RFX6: variants seen among roughly 807,000 people sequenced by gnomAD.
RFX6 encodes the protein DNA-binding protein RFX6.
In RFX6, 50 loss-of-function variants were observed where a neutral mutation model predicts 110.8. That is an observed-to-expected ratio of 0.45 (90% confidence interval 0.36 to 0.57). RFX6 has a LOEUF of 0.57. RFX6 is among the 20% of genes least tolerant of loss of function. RFX6 has a pLI of 0.00. For synonymous variants in RFX6, 383 were observed against 411.2 expected (o/e 0.93, Z 0.83); for missense variants, 990 against 1,127.0 (o/e 0.88, Z 1.74).
At chr6:116,894,767 A>G (rs903592001) in intron 5 of RFX6, among the ~76,000 whole-genome samples, 2 of 152,104 alleles carry the variant, frequency 1.3e-5, no homozygotes, top group Non-Finnish European at 2.9e-5. Context: ...TTAAAAGAAG[A>G]AATTATTTTT....
At chr6:116,892,214 T>C (rs1326162501) in intron 4 of RFX6, among the ~76,000 whole-genome samples, 2 of 152,240 alleles carry the variant, frequency 1.3e-5, no homozygotes, top group Admixed American at 6.5e-5. Context: ...CTTGAATCAG[T>C]AGAGGCAAGT....
At chr6:116,928,329 G>A (rs1775798594) in intron 17 of RFX6, among the ~76,000 whole-genome samples, 1 of 152,154 alleles carries the variant, frequency 6.6e-6, no homozygotes, top group Non-Finnish European at 1.5e-5. Flanking sequence ...TTTCTCCTAA[G>A]TGTAGGCCAG....
At chr6:116,893,217 A>G (rs1212256051) in intron 4 of RFX6, among the ~76,000 whole-genome samples, 1 of 152,178 alleles carries the variant, frequency 6.6e-6, no homozygotes, top group Non-Finnish European at 1.5e-5. Flanking sequence ...GACTCTGACT[A>G]TCCTCACTAA....
intron 17 of RFX6, among the ~76,000 whole-genome samples, chr6:116,928,071 C>T (rs972650480): frequency 2.9e-4 from 29 of 101,736 alleles, no homozygotes; most frequent in African/African-American, 9.8e-4. Context: ...TCCTAAATAC[C>T]GCATATGTTA....
intron 6 of RFX6, among the ~76,000 whole-genome samples, chr6:116,910,034 C>T (rs1331425451): frequency 1.3e-5 from 2 of 151,878 alleles, no homozygotes; most frequent in East Asian, 3.9e-4. Flanking sequence ...CAGAGATAAA[C>T]AAAGAAGTGC....
At chr6:116,878,416 G>A (rs1273942151) in intron 2 of RFX6, among the ~76,000 whole-genome samples, 1 of 152,122 alleles carries the variant, frequency 6.6e-6, no homozygotes, top group Non-Finnish European at 1.5e-5. Flanking sequence ...AACTGTGTTT[G>A]AGGTAGAAGA....
rs757354989 is a variant in RFX6 at position 116,911,059 on chromosome 6, C to T, written c.780+17C>T. Reference sequence around the variant, plus strand: ...AAGGACAAGGTATCAATTACAGATACTTCTCTATTGATTTTCTGATATGTT... The same window carrying T: ...AAGGACAAGGTATCAATTACAGATATTTCTCTATTGATTTTCTGATATGTT... On this transcript the variant is annotated intron_variant, in intron 7 of 18. Coordinates refer to ENST00000332958, the MANE Select transcript of RFX6 (RefSeq NM_173560.4). The T allele has an allele frequency of 3.4e-6, 5 of 1,489,278 alleles. No homozygotes were observed. Among genetic ancestry groups the T allele is most frequent in the South Asian group, 1.1e-5 (1 of 88,596 alleles). The allele number at this position is 1,489,278 out of a possible 1,614,324, so 92.3% of individuals were successfully genotyped here.
Position 116,931,709 on chromosome 6 carries a change from G to A in RFX6, c.*203G>A, listed in dbSNP as rs1582542611. The A allele has an allele frequency of 2.0e-6, 1 of 505,416 alleles. No individual in the cohort carries two copies. The highest frequency in any genetic ancestry group is 3.5e-6 in the Non-Finnish European group (1 of 286,614). 31.3% of individuals were successfully genotyped at this position (505,416 alleles called of 1,614,324 possible). A position where few individuals can be genotyped will look rare whatever the true frequency, so the allele number is the denominator to read the frequency against. On this transcript the variant is annotated 3_prime_UTR_variant, in exon 19 of 19. Coordinates refer to ENST00000332958, the MANE Select transcript of RFX6 (RefSeq NM_173560.4). ...GTCATGCACACTAAGAGTTTAAAAT[G>A]TGAGCTCATTATTAATCATAGTTTC... is the stretch of plus-strand genomic sequence containing the variant.
intron 6 of RFX6, among the ~76,000 whole-genome samples, chr6:116,904,585 C>T (rs1775153960): frequency 6.6e-6 from 1 of 152,052 alleles, no homozygotes; most frequent in Admixed American, 6.6e-5. Context: ...ACATTGGTAT[C>T]ATTGTGTAAC....
intron 16 of RFX6, among the ~76,000 whole-genome samples, chr6:116,925,889 T>G (rs966010812): frequency 2.8e-5 from 4 of 141,612 alleles, no homozygotes; most frequent in Admixed American, 1.4e-4. Context: ...ATATTAGAAG[T>G]ATGAATAATT....
chr6:116,902,909 C>A (rs1436396079), intron 6 of RFX6, among the ~76,000 whole-genome samples: 2 of 152,016 alleles, frequency 1.3e-5, no homozygotes, highest in African/African-American at 4.8e-5. Flanking sequence ...ATAAATCAGA[C>A]CCTCTTGCCT....
At chr6:116,925,934 AT>A (rs1440126119) in intron 16 of RFX6, among the ~76,000 whole-genome samples, 1 of 152,236 alleles carries the variant, frequency 6.6e-6, no homozygotes, top group Non-Finnish European at 1.5e-5. Flanking sequence ...TAGATGAGGT[AT>A]ACATAAAATT....
rs777356249 is a variant in RFX6, at chr6:116,877,488, A to G, written c.213A>G (p.Ala71=). ...GCGAAGACCCGGAGCTGCCGGGGGC[A>G]GTGAAATCAGGTGAGTGCTCTGCCG... is the stretch of plus-strand genomic sequence containing the variant. ...EKGEDPELPG[A]VKSEMHLNNG... is the part of the protein sequence containing the mutation. Residue 71 remains alanine (A), a synonymous_variant, in exon 1 of 19, where the codon GCA becomes GCG. Coordinates refer to ENST00000332958, the MANE Select transcript of RFX6 (RefSeq NM_173560.4). 90 of 1,557,254 alleles carry G rather than the reference A, an allele frequency of 5.8e-5. No individual in the cohort carries two copies. Among genetic ancestry groups the G allele is most frequent in the Non-Finnish European group, 7.2e-5 (83 of 1,150,144 alleles).
Position 116,913,351 on chromosome 6 carries a change from C to T in RFX6, c.780+2309C>T, listed in dbSNP as rs563542362. Among the ~76,000 whole-genome samples, 4 of 152,298 alleles carry T rather than the reference C, an allele frequency of 2.6e-5. 1 individual carries two copies. The highest frequency in any genetic ancestry group is 2.1e-4 in the South Asian group (1 of 4,826). ...CATTGAGATTACAGGCGTAAGCCAC[C>T]GCGCCCAGCCAGCACTTGCTTCTTT... On this transcript the variant is annotated intron_variant, in intron 7 of 18. Coordinates refer to ENST00000332958, the MANE Select transcript of RFX6 (RefSeq NM_173560.4).
Position 116,931,737 on chromosome 6 carries a change from A to AATT in RFX6, c.*234_*236dup, listed in dbSNP as rs1775891014. 1 of 435,398 alleles carries AATT rather than the reference A, an allele frequency of 2.3e-6. No homozygotes were observed. Among genetic ancestry groups the AATT allele is most frequent in the Non-Finnish European group, 4.1e-6 (1 of 245,746 alleles). 27.0% of individuals were successfully genotyped at this position (435,398 alleles called of 1,614,324 possible). On this transcript the variant is annotated 3_prime_UTR_variant, in exon 19 of 19. Transcript: ENST00000332958. The stretch of plus-strand genomic sequence containing the variant: ...AGCTCATTATTAATCATAGTTTCAA[A>AATT]ATTATCAAATAAAACCAGTGAAGAT...
chr6:116,925,301 C>A, intron 15 of RFX6, 152 bp from the exon 16 acceptor site: 1 of 749,584 alleles, frequency 1.3e-6, no homozygotes, highest in Non-Finnish European at 2.3e-6. Context: ...GAGCAAAGGT[C>A]TGCCAACCTC....
chr6:116,909,160 C>T (rs1562141871), intron 6 of RFX6, among the ~76,000 whole-genome samples: 1 of 151,686 alleles, frequency 6.6e-6, no homozygotes, highest in Non-Finnish European at 1.5e-5. Context: ...AAGAGTATTC[C>T]TTTATTCCTA....
Position 116,931,657 on chromosome 6 carries a change from T to G in RFX6, c.*151T>G. The G allele has an allele frequency of 1.6e-6, 1 of 622,594 alleles. No homozygotes were observed. Among genetic ancestry groups the G allele is most frequent in the Non-Finnish European group, 2.8e-6 (1 of 353,868 alleles). 38.6% of individuals were successfully genotyped at this position (622,594 alleles called of 1,614,324 possible). On this transcript the variant is annotated 3_prime_UTR_variant, in exon 19 of 19. Coordinates refer to ENST00000332958, the MANE Select transcript of RFX6 (RefSeq NM_173560.4). ...GTCACTGGTACTATGGACAACTCCA[T>G]AGTGAATGGAGATACTTGCAGAGCT...
At chr6:116,916,132 T>C in intron 8 of RFX6, 47 bp downstream of exon 8, 2 of 1,549,312 alleles carry the variant, frequency 1.3e-6, no homozygotes, top group Non-Finnish European at 1.8e-6. Context: ...ATATATACTT[T>C]CATGTTCTGT....
Sources: gnomAD v4.1 joint callset for allele counts (sites outside exome capture counted in the v4.1 genomes callset) on GRCh38, gnomAD v4.1.1 for gene constraint, MANE v1.5 for transcripts, NCBI Gene and HGNC (gene_info 2026-07-23, HGNC 2026-07-21) for gene names.